Variants in GRIK2 observed in about 807,000 individuals in gnomAD.
GRIK2 encodes the protein glutamate receptor ionotropic, kainate 2.
GRIK2 carries 32 observed loss-of-function variants against 100.3 expected under a neutral mutation model. The observed-to-expected ratio is 0.32, with a 90% CI of 0.24 to 0.43. GRIK2 has a LOEUF of 0.43. Among genes scored for constraint, GRIK2 ranks in the 20% least tolerant of loss-of-function variants. The probability of loss-of-function intolerance (pLI) is 1.00; values close to 1 mark genes in which losing one functional copy is unlikely to be tolerated. For missense variants in GRIK2, 843 were observed against 1,114.9 expected, an observed-to-expected ratio of 0.76 and a Z score of 3.47; for synonymous variants, 417 against 389.4, an observed-to-expected ratio of 1.07 and a Z score of -0.83.
At chr6:101,875,099 C>T (rs138580145) in intron 11 of GRIK2, among the ~76,000 whole-genome samples, 3 of 152,176 alleles carry the variant, frequency 2.0e-5, no homozygotes, top group African/African-American at 4.8e-5. Context: ...CTTTCTCCTG[C>T]CTGATTGCCC....
At chr6:101,985,628 A>G (rs1238153728) in intron 14 of GRIK2, among the ~76,000 whole-genome samples, 1 of 151,838 alleles carries the variant, frequency 6.6e-6, no homozygotes, top group African/African-American at 2.4e-5. Flanking sequence ...ATAAATACAC[A>G]TAATACTCTT....
intron 11 of GRIK2, 45 bp from the exon 12 acceptor site, chr6:101,889,595 T>G: frequency 2.9e-6 from 3 of 1,050,752 alleles, no homozygotes; most frequent in Non-Finnish European, 4.2e-6. Context: ...TTTTCTCTCT[T>G]TCTTTCTTTC....
chr6:101,398,850 G>C, intron 1 of GRIK2, 135 bp from the exon 2 acceptor site: 1 of 409,544 alleles, frequency 2.4e-6, no homozygotes, highest in East Asian at 3.5e-5. Context: ...CTGTGCAGCA[G>C]TGCAGTAGAA....
At chr6:101,720,248 T>A (rs1437105713) in intron 7 of GRIK2, among the ~76,000 whole-genome samples, 2 of 152,018 alleles carry the variant, frequency 1.3e-5, no homozygotes, top group Non-Finnish European at 2.9e-5. Context: ...ATAAAAAATG[T>A]GTTTGTCCGT....
chr6:101,855,212 C>A (rs1364623404), intron 10 of GRIK2, among the ~76,000 whole-genome samples: 1 of 152,124 alleles, frequency 6.6e-6, no homozygotes, highest in African/African-American at 2.4e-5. Context: ...GTGCCTTGAG[C>A]ACCAACGGCT....
At chr6:101,553,221 T>G (rs1776594117) in intron 2 of GRIK2, among the ~76,000 whole-genome samples, 1 of 152,234 alleles carries the variant, frequency 6.6e-6, no homozygotes, top group Non-Finnish European at 1.5e-5. Context: ...GCAATTAATG[T>G]GCATAGTGAT....
intron 2 of GRIK2, among the ~76,000 whole-genome samples, chr6:101,508,726 G>A (rs1192466579): frequency 6.6e-6 from 1 of 152,082 alleles, no homozygotes; most frequent in Admixed American, 6.5e-5. Context: ...TCCTTCCTAG[G>A]AAATCAGTTT....
At chr6:101,819,535 C>G (rs925767327) in intron 10 of GRIK2, among the ~76,000 whole-genome samples, 1 of 152,090 alleles carries the variant, frequency 6.6e-6, no homozygotes, top group Non-Finnish European at 1.5e-5. Flanking sequence ...AGTGGATACT[C>G]GCTCTCTCTG....
At chr6:101,887,879 C>T (rs976995031) in intron 11 of GRIK2, among the ~76,000 whole-genome samples, 1 of 152,126 alleles carries the variant, frequency 6.6e-6, no homozygotes, top group Admixed American at 6.5e-5. Flanking sequence ...ACCTTCAACA[C>T]GTGCAGATTA....
intron 2 of GRIK2, among the ~76,000 whole-genome samples, chr6:101,482,250 T>C (rs1192162951): frequency 6.6e-6 from 1 of 152,196 alleles, no homozygotes; most frequent in Non-Finnish European, 1.5e-5. Context: ...GAGCACCTAC[T>C]ATTGTCAGGT....
intron 7 of GRIK2, among the ~76,000 whole-genome samples, chr6:101,759,469 A>T (rs1777345476): frequency 6.6e-6 from 1 of 152,152 alleles, no homozygotes; most frequent in Admixed American, 6.5e-5. Context: ...TTTAATACAC[A>T]TTGTATCTAT....
intron 2 of GRIK2, among the ~76,000 whole-genome samples, chr6:101,444,749 ACT>A (rs1251604657): frequency 6.6e-6 from 1 of 151,874 alleles, no homozygotes; most frequent in African/African-American, 2.4e-5. Context: ...TTCATTAACT[ACT>A]CTCTGTCTGC....
intron 1 of GRIK2, among the ~76,000 whole-genome samples, chr6:101,396,107 A>G (rs1211179822): frequency 6.6e-6 from 1 of 152,182 alleles, no homozygotes. Flanking sequence ...TTAATCCTTC[A>G]TATAACCTCA....
chr6:101,983,735 CAAAG>C (rs1429596257), intron 14 of GRIK2, among the ~76,000 whole-genome samples: 1 of 151,690 alleles, frequency 6.6e-6, no homozygotes, highest in Non-Finnish European at 1.5e-5. Context: ...TTATCAATCT[CAAAG>C]AAAATACATT....
intron 4 of GRIK2, among the ~76,000 whole-genome samples, chr6:101,641,781 C>G (rs1289250786): frequency 6.6e-6 from 1 of 151,892 alleles, no homozygotes; most frequent in African/African-American, 2.4e-5. Context: ...TTTTAGCCTA[C>G]AGCAAAGATC....
chr6:101,878,555 A>G (rs958599834), intron 11 of GRIK2, among the ~76,000 whole-genome samples: 1 of 151,958 alleles, frequency 6.6e-6, no homozygotes, highest in Non-Finnish European at 1.5e-5. Flanking sequence ...ATTTATTACT[A>G]TTAGATATTT....
chr6:101,733,702 C>A (rs1775433957), intron 7 of GRIK2, among the ~76,000 whole-genome samples: 1 of 125,626 alleles, frequency 8.0e-6, no homozygotes, highest in Admixed American at 9.6e-5. Context: ...GATTTAATTC[C>A]TCTTTCTTTT....
chr6:101,737,974 A>C (rs1400103580), intron 7 of GRIK2, among the ~76,000 whole-genome samples: 1 of 152,192 alleles, frequency 6.6e-6, no homozygotes, highest in African/African-American at 2.4e-5. Context: ...CAAATGAATT[A>C]TTGACTACTT....
intron 7 of GRIK2, among the ~76,000 whole-genome samples, chr6:101,793,192 C>G (rs1008054241): frequency 6.6e-6 from 1 of 152,192 alleles, no homozygotes; most frequent in East Asian, 1.9e-4. Context: ...TCATCTGAAG[C>G]CTTCTTCTCT....
Sources: allele counts gnomAD v4.1 joint callset (sites outside exome capture counted in the v4.1 genomes callset), GRCh38; gene constraint gnomAD v4.1.1; transcripts MANE v1.5; gene names NCBI Gene and HGNC (gene_info 2026-07-23, HGNC 2026-07-21).